The following WDR1 variants were observed in gnomAD, a reference collection of about 807,000 sequenced individuals.
The protein encoded by WDR1 is WD repeat-containing protein 1.
In WDR1, 21 loss-of-function variants were observed where a neutral mutation model predicts 71.9. The observed-to-expected ratio is 0.29, with a 90% CI of 0.21 to 0.42. The LOEUF (loss-of-function observed/expected upper bound fraction) is 0.42. WDR1 is among the 10% of genes least tolerant of loss of function. The probability of loss-of-function intolerance (pLI) is 1.00; values close to 1 mark genes in which losing one functional copy is unlikely to be tolerated. For synonymous variants in WDR1, 424 were observed against 347.4 expected (o/e 1.22, Z -2.45); for missense variants, 696 against 824.5 (o/e 0.84, Z 1.91).
chr4:10,114,068 T>A (rs73212880), intron 2 of WDR1, among the ~76,000 whole-genome samples: 26,012 of 151,908 alleles, frequency 0.17, 2,691 homozygotes, highest in Middle Eastern at 0.23. Context: ...TACTTTGCCC[T>A]AAAAAAAATC....
At chr4:10,101,201 G>A (rs1712664537) in intron 3 of WDR1, among the ~76,000 whole-genome samples, 1 of 152,244 alleles carries the variant, frequency 6.6e-6, no homozygotes, top group Admixed American at 6.5e-5. Flanking sequence ...TGTGCACTGA[G>A]GACTGCCCCG....
At chr4:10,084,333 G>A (rs1014583795) in intron 9 of WDR1, 110 bp downstream of exon 9, 6 of 944,884 alleles carry the variant, frequency 6.3e-6, no homozygotes, top group Non-Finnish European at 8.3e-6. Context: ...GCGTGTGGCT[G>A]TGGCTGCAGC....
chr4:10,081,064 G>C (rs114005604), intron 11 of WDR1, among the ~76,000 whole-genome samples: 4,568 of 152,224 alleles, frequency 0.03, 95 homozygotes, highest in Non-Finnish European at 0.045. Flanking sequence ...AGACTTTACA[G>C]GCTGACAGGC....
At position 10,083,156 on chromosome 4, in the gene WDR1, C is replaced by T. The variant is rs1027580181; in HGVS notation, c.1062G>A (p.Gly354=). 7 of 1,613,716 alleles carry T rather than the reference C, an allele frequency of 4.3e-6. No individual in the cohort carries two copies. The African/African-American group carries it at 9.3e-5, about 22-fold the overall frequency. Residue 354 remains glycine, a synonymous_variant, in exon 10 of 15, where the codon GGG becomes GGA. Transcript: ENST00000499869. ...CTTTCCCAGCGAAGGAGTCGTTCTCCCCCGTCTCTGAATCCCAGTAATGTA... is the reference window on the plus strand; with the variant it reads ...CTTTCCCAGCGAAGGAGTCGTTCTCTCCCGTCTCTGAATCCCAGTAATGTA... ...GHINYWDSET[G]ENDSFAGKGH...
intron 2 of WDR1, among the ~76,000 whole-genome samples, chr4:10,111,556 C>T (rs1383620537): frequency 1.3e-5 from 2 of 152,198 alleles, no homozygotes; most frequent in Non-Finnish European, 2.9e-5. Context: ...TTCACTCCCA[C>T]CCAGGACAGT....
intron 2 of WDR1, among the ~76,000 whole-genome samples, chr4:10,108,631 T>G (rs1473670311): frequency 6.6e-6 from 1 of 152,196 alleles, no homozygotes; most frequent in African/African-American, 2.4e-5. Context: ...AACTGACCTG[T>G]GCAAATATAA....
chr4:10,098,682 GCT>G (rs1712507355), intron 4 of WDR1, among the ~76,000 whole-genome samples: 1 of 152,244 alleles, frequency 6.6e-6, no homozygotes, highest in Non-Finnish European at 1.5e-5. Flanking sequence ...AAGTGCTGTT[GCT>G]CTTTCACTCT....
chr4:10,095,705 C>G (rs1404534381), intron 5 of WDR1, among the ~76,000 whole-genome samples: 2 of 152,198 alleles, frequency 1.3e-5, no homozygotes, highest in East Asian at 3.9e-4. Flanking sequence ...CCGCACATGT[C>G]TCCTGAGCAT....
intron 11 of WDR1, among the ~76,000 whole-genome samples, chr4:10,079,908 G>A (rs1199740812): frequency 1.3e-5 from 2 of 152,296 alleles, no homozygotes; most frequent in East Asian, 1.9e-4. Context: ...CTGAAGCTTC[G>A]TCCGACATGA....
chr4:10,115,309 G>A (rs761007199), intron 2 of WDR1, among the ~76,000 whole-genome samples: 32 of 152,228 alleles, frequency 2.1e-4, no homozygotes, highest in Non-Finnish European at 3.4e-4. Flanking sequence ...AACAATTACA[G>A]AGGAATAACA....
chr4:10,083,290 C>G, intron 9 of WDR1, 112 bp from the exon 10 acceptor site: 1 of 1,340,480 alleles, frequency 7.5e-7, no homozygotes, highest in Non-Finnish European at 1.0e-6. Flanking sequence ...TCGCCGCAAA[C>G]GGACATAACC....
At chr4:10,075,922 T>TG (rs999827814) in intron 14 of WDR1, 17 of 179,502 alleles carry the variant, frequency 9.5e-5, no homozygotes, top group Non-Finnish European at 1.8e-4. Context: ...CACACAGGAC[T>TG]GGGGGGGCCA....
intron 7 of WDR1, 141 bp downstream of exon 7, chr4:10,088,152 T>C (rs1711706411): frequency 1.1e-6 from 1 of 951,582 alleles, no homozygotes; most frequent in Non-Finnish European, 1.6e-6. Flanking sequence ...CCTTAAAGCT[T>C]TTCTGGGCAG....
intron 13 of WDR1, 97 bp downstream of exon 13, chr4:10,077,656 G>T (rs2109632798): frequency 1.4e-6 from 2 of 1,470,598 alleles, no homozygotes; most frequent in South Asian, 1.4e-5. Context: ...CTACAGCTCA[G>T]ACAGGCTCAG....
chr4:10,084,352 C>G, intron 9 of WDR1, 91 bp downstream of exon 9: 2 of 1,233,732 alleles, frequency 1.6e-6, no homozygotes, highest in Non-Finnish European at 2.3e-6. Context: ...GCTGGAGCCA[C>G]CTGGCTGGCC....
intron 8 of WDR1, among the ~76,000 whole-genome samples, chr4:10,087,129 TG>T (rs984709074): frequency 5.9e-5 from 9 of 152,224 alleles, no homozygotes; most frequent in African/African-American, 2.2e-4. Flanking sequence ...CCTTCACACC[TG>T]GGACCCATGG....
At chr4:10,080,131 T>TAC (rs1490806793) in intron 11 of WDR1, among the ~76,000 whole-genome samples, 4 of 152,126 alleles carry the variant, frequency 2.6e-5, no homozygotes, top group Admixed American at 6.5e-5. Context: ...ACCACAACCC[T>TAC]ACCGGGGTCC....
intron 5 of WDR1, among the ~76,000 whole-genome samples, chr4:10,094,140 G>C (rs1363550119): frequency 6.6e-6 from 1 of 152,194 alleles, no homozygotes; most frequent in Admixed American, 6.5e-5. Flanking sequence ...CAGCTTGTTA[G>C]ATCTGGCAGT....
chr4:10,078,971 A>G lies in WDR1; in HGVS notation c.1315T>C (p.Phe439Leu). The G allele has an allele frequency of 6.2e-7, 1 of 1,611,892 alleles. No homozygotes were observed. Among genetic ancestry groups the G allele is most frequent in the Non-Finnish European group, 8.5e-7 (1 of 1,178,794 alleles). Residue 439 changes from phenylalanine to leucine, a missense_variant, in exon 12 of 15, where the codon TTC (phenylalanine) becomes CTC (leucine). By Grantham distance (22) the Phe-to-Leu change is conservative (BLOSUM62 0). Coordinates refer to ENST00000499869, the MANE Select transcript of WDR1 (RefSeq NM_017491.5). ...TCGTAGCCGGGGTTGTCGATGCTGA[A>G]GCACTTCCTCTGATCCTTCAGCAGG... is the stretch of plus-strand genomic sequence containing the variant. ...IVLLKDQRKC[F>L]SIDNPGYEPE...
Sources: gnomAD v4.1 joint callset for allele counts (sites outside exome capture counted in the v4.1 genomes callset) on GRCh38, gnomAD v4.1.1 for gene constraint, MANE v1.5 for transcripts, NCBI Gene and HGNC (gene_info 2026-07-23, HGNC 2026-07-21) for gene names.